PARVB: variants seen among roughly 807,000 people sequenced by gnomAD.
The protein encoded by PARVB is parvin beta, also known as beta-parvin.
PARVB carries 46 observed loss-of-function variants against 47.0 expected under a neutral mutation model. The observed-to-expected ratio is 0.98, with a 90% confidence interval of 0.77 to 1.25. The LOEUF (loss-of-function observed/expected upper bound fraction) is 1.25, where lower values mean the gene tolerates loss of function less well. Among genes scored for constraint, PARVB ranks in the 50% most tolerant of loss-of-function variants. The pLI, the probability that PARVB is intolerant of heterozygous loss-of-function variation, is 0.00. For synonymous variants in PARVB, 196 were observed against 196.3 expected (o/e 1.00, Z 0.01); for missense variants, 473 against 471.6 (o/e 1.00, Z -0.03).
intron 1 of PARVB, among the ~76,000 whole-genome samples, chr22:44,078,116 C>T (rs183508558): frequency 1.2e-4 from 19 of 152,318 alleles, no homozygotes; most frequent in Non-Finnish European, 1.3e-4. Flanking sequence ...AAGCTCACAG[C>T]GTGGGTCCTT....
At chr22:44,055,979 T>C (rs1364705082) in intron 1 of PARVB, among the ~76,000 whole-genome samples, 2 of 152,214 alleles carry the variant, frequency 1.3e-5, no homozygotes, top group Non-Finnish European at 2.9e-5. Context: ...CCCAGAATAA[T>C]GGTTAGCCAA....
chr22:44,060,571 C>A (rs16991389), intron 1 of PARVB, among the ~76,000 whole-genome samples: 5,100 of 152,022 alleles, frequency 0.034, 208 homozygotes, highest in African/African-American at 0.1. Flanking sequence ...TGGGACTTAA[C>A]TGGGTAAATG....
chr22:44,096,182 A>G (rs1345558020), intron 2 of PARVB, among the ~76,000 whole-genome samples: 2 of 152,204 alleles, frequency 1.3e-5, no homozygotes, highest in Admixed American at 6.5e-5. Context: ...CCGAGGTTGC[A>G]CCACTGCGCT....
chr22:44,092,171 T>C (rs1295660113), intron 1 of PARVB, among the ~76,000 whole-genome samples: 1 of 152,132 alleles, frequency 6.6e-6, no homozygotes, highest in Non-Finnish European at 1.5e-5. Flanking sequence ...AGTGCACTGG[T>C]GTGATCTTGG....
intron 1 of PARVB, among the ~76,000 whole-genome samples, chr22:44,076,352 T>C (rs2051773246): frequency 6.6e-6 from 1 of 152,220 alleles, no homozygotes; most frequent in African/African-American, 2.4e-5. Flanking sequence ...TCCTCTGTCT[T>C]GTAAGCCCGG....
intron 12 of PARVB, among the ~76,000 whole-genome samples, chr22:44,166,532 G>A (rs569641180): frequency 3.3e-5 from 5 of 152,348 alleles, no homozygotes; most frequent in South Asian, 2.1e-4. Context: ...CTCATCTGCC[G>A]CTGGACGGCA....
intron 1 of PARVB, among the ~76,000 whole-genome samples, chr22:44,077,731 G>A (rs1242449922): frequency 6.6e-6 from 1 of 152,104 alleles, no homozygotes; most frequent in Admixed American, 6.6e-5. Flanking sequence ...GAGGGGGATA[G>A]TTACTCTTTT....
intron 11 of PARVB, among the ~76,000 whole-genome samples, chr22:44,160,575 G>A (rs2054030326): frequency 6.6e-6 from 1 of 152,174 alleles, no homozygotes; most frequent in Admixed American, 6.5e-5. Context: ...CGGGATCCAT[G>A]TGCTGGGTAT....
chr22:44,122,747 A>G lies in PARVB; in HGVS notation c.376+3607A>G, dbSNP rs79465848. On this transcript the variant is annotated intron_variant, in intron 4 of 12. Coordinates refer to ENST00000338758, the MANE Select transcript of PARVB (RefSeq NM_013327.5). ...ATTTCCCTTTTATTCCTTGCATAAA[A>G]GGTGATGTATTTTGTACATTCTTTT... Among the ~76,000 whole-genome samples the G allele has an allele frequency of 3.9e-3, 594 of 152,328 alleles. 6 individuals are homozygous for G. Among genetic ancestry groups the G allele is most frequent in the African/African-American group, 0.013 (555 of 41,572 alleles).
intron 1 of PARVB, among the ~76,000 whole-genome samples, chr22:44,083,014 G>A (rs1321548525): frequency 6.6e-6 from 1 of 152,148 alleles, no homozygotes; most frequent in Non-Finnish European, 1.5e-5. Flanking sequence ...AGGCTGGGGG[G>A]ATGTTGGCTC....
chr22:44,040,812 G>A (rs1168090713), intron 1 of PARVB, among the ~76,000 whole-genome samples: 7 of 151,756 alleles, frequency 4.6e-5, no homozygotes, highest in Admixed American at 4.6e-4. Flanking sequence ...TCAGGAGATC[G>A]AGACCACGGT....
At chr22:44,004,787 C>T (rs2050447505) in intron 2 of PARVB, among the ~76,000 whole-genome samples, 1 of 152,180 alleles carries the variant, frequency 6.6e-6, no homozygotes, top group African/African-American at 2.4e-5. Flanking sequence ...TCCGTCTCTC[C>T]AGTCTTTGAT....
Position 44,097,888 on chromosome 22 carries a change from C to T in PARVB, c.203-2165C>T, listed in dbSNP as rs569263888. 8.9e-4 allele frequency among the ~76,000 whole-genome samples: 135 copies of T among 152,272 alleles called. 1 individual carries two copies. Among genetic ancestry groups the T allele is most frequent in the Non-Finnish European group, 1.6e-3 (110 of 68,012 alleles). On this transcript the variant is annotated intron_variant, in intron 2 of 12. Transcript: ENST00000338758. ...CACCTTTCACAGTCTCTGGGTCAGA[C>T]GCCCCATTCCTCTCAGTGGTCCCGC...
chr22:44,072,000 G>A (rs1266891720), intron 1 of PARVB, among the ~76,000 whole-genome samples: 3 of 152,246 alleles, frequency 2.0e-5, no homozygotes, highest in African/African-American at 4.8e-5. Flanking sequence ...TCCCTCCCTC[G>A]CTCTCTACCA....
intron 8 of PARVB, chr22:44,147,539 T>A: frequency 2.3e-6 from 1 of 442,182 alleles, no homozygotes; most frequent in Non-Finnish European, 4.4e-6. Context: ...ACGCCTCAAG[T>A]CCTAGGACGT....
chr22:44,119,926 G>C (rs761166), intron 4 of PARVB: 170,302 of 488,590 alleles, frequency 0.35, 30,509 homozygotes, highest in Middle Eastern at 0.47. Context: ...GGCAAAGAAC[G>C]GAAGAGCAGA....
rs1457160936 is a variant in PARVB at position 44,172,702 on chromosome 22, T to G, written c.*4024T>G. ...CCTGTTTTGTGTGCCAGTATTTTAC[T>G]GTCTTCTTAATTGTTTTAAGCAATG... On this transcript the variant is annotated 3_prime_UTR_variant, in exon 13 of 13. Coordinates refer to ENST00000338758, the MANE Select transcript of PARVB (RefSeq NM_013327.5). The G allele has an allele frequency of 1.4e-5, 4 of 279,868 alleles. No homozygotes were observed. 17.3% of individuals were successfully genotyped at this position (279,868 alleles called of 1,614,324 possible).
intron 12 of PARVB, among the ~76,000 whole-genome samples, chr22:44,165,144 AC>A (rs1218710622): frequency 6.6e-6 from 1 of 152,018 alleles, no homozygotes; most frequent in Non-Finnish European, 1.5e-5. Flanking sequence ...GGCGCATACC[AC>A]CATGCCCGGC....
intron 4 of PARVB, among the ~76,000 whole-genome samples, chr22:44,129,537 C>T (rs1395147045): frequency 6.6e-6 from 1 of 152,158 alleles, no homozygotes; most frequent in Non-Finnish European, 1.5e-5. Context: ...CTCAGACCAC[C>T]CAGTTCTGTA....
Sources: allele counts gnomAD v4.1 joint callset (sites outside exome capture counted in the v4.1 genomes callset), GRCh38; gene constraint gnomAD v4.1.1; transcripts MANE v1.5; gene names NCBI Gene and HGNC (gene_info 2026-07-23, HGNC 2026-07-21).